The following RAB7A variants were observed in gnomAD, a reference collection of about 807,000 sequenced individuals.
RAB7A encodes ras-related protein Rab-7a.
RAB7A carries 2 observed loss-of-function variants against 24.5 expected under a neutral mutation model. The observed-to-expected ratio is 0.08, with a 90% CI of 0.03 to 0.26. The LOEUF (loss-of-function observed/expected upper bound fraction) is 0.26, where lower values mean the gene tolerates loss of function less well. RAB7A is among the 10% of genes least tolerant of loss of function. The pLI, the probability that RAB7A is intolerant of heterozygous loss-of-function variation, is 1.00. For missense variants in RAB7A, 118 were observed against 255.7 expected, an observed-to-expected ratio of 0.46 and a Z score of 3.67; for synonymous variants, 100 against 95.9, an observed-to-expected ratio of 1.04 and a Z score of -0.25.
intron 5 of RAB7A, among the ~76,000 whole-genome samples, chr3:128,808,083 A>C (rs1470661863): frequency 6.6e-6 from 1 of 152,142 alleles, no homozygotes; most frequent in African/African-American, 2.4e-5. Context: ...ATGGCCGGGC[A>C]CTGTGGCTCA....
chr3:128,752,739 T>C (rs1484252723), intron 1 of RAB7A, among the ~76,000 whole-genome samples: 1 of 64,044 alleles, frequency 1.6e-5, no homozygotes. Context: ...GCTTTTCCTC[T>C]TTTTTTTTTT....
At chr3:128,750,336 A>AG (rs2070664384) in intron 1 of RAB7A, among the ~76,000 whole-genome samples, 1 of 152,206 alleles carries the variant, frequency 6.6e-6, no homozygotes, top group Non-Finnish European at 1.5e-5. Context: ...ATGTCAGCTC[A>AG]CTGCAGCCTC....
At chr3:128,767,170 C>G (rs1398249546) in intron 1 of RAB7A, among the ~76,000 whole-genome samples, 3 of 152,148 alleles carry the variant, frequency 2.0e-5, no homozygotes, top group Non-Finnish European at 4.4e-5. Flanking sequence ...TCTGAATTGT[C>G]CCTTCAGTCA....
In RAB7A at chr3:128,746,653, C is replaced by T. The variant is rs554035642; in HGVS notation, c.-9+20294C>T. ...ATGCCATACTCCTGCCTCAGCCTCC[C>T]GAGTAGCTGGGACTACAGGCACATG... On this transcript the variant is annotated intron_variant, in intron 1 of 5. Coordinates refer to ENST00000265062, the MANE Select transcript of RAB7A (RefSeq NM_004637.6). Among the ~76,000 whole-genome samples, 46 of 152,104 alleles carry T rather than the reference C, an allele frequency of 3.0e-4. No homozygotes were observed. In the South Asian group the frequency reaches 8.7e-3, roughly 29 times the overall value.
At chr3:128,763,348 G>A (rs1489416909) in intron 1 of RAB7A, among the ~76,000 whole-genome samples, 1 of 150,880 alleles carries the variant, frequency 6.6e-6, no homozygotes, top group Non-Finnish European at 1.5e-5. Flanking sequence ...CCGAGTAGCT[G>A]GGACTACAGG....
chr3:128,776,540 C>T lies in RAB7A; in HGVS notation c.-8-18820C>T, dbSNP rs1483233173. On this transcript the variant is annotated intron_variant, in intron 1 of 5. Transcript: ENST00000265062. Reference sequence around the variant, plus strand: ...GCTCAAGCAATCCTTCTGTCTTGGCCTCCCAAAGTTGCAGGATTACAGGTG... The same window carrying T: ...GCTCAAGCAATCCTTCTGTCTTGGCTTCCCAAAGTTGCAGGATTACAGGTG... 2.0e-5 allele frequency among the ~76,000 whole-genome samples: 3 copies of T among 152,168 alleles called. 1 individual carries two copies. Among genetic ancestry groups the T allele is most frequent in the Non-Finnish European group, 4.4e-5 (3 of 68,034 alleles).
intron 5 of RAB7A, among the ~76,000 whole-genome samples, chr3:128,811,705 T>C (rs540014270): frequency 6.6e-6 from 1 of 152,000 alleles, no homozygotes; most frequent in East Asian, 1.9e-4. Flanking sequence ...AAAAATTAGC[T>C]AGGTGTGGTG....
intron 1 of RAB7A, among the ~76,000 whole-genome samples, chr3:128,792,197 A>G (rs1304016560): frequency 6.6e-6 from 1 of 152,196 alleles, no homozygotes; most frequent in African/African-American, 2.4e-5. Flanking sequence ...GAAGGAAACA[A>G]ACATGAATTC....
intron 1 of RAB7A, among the ~76,000 whole-genome samples, chr3:128,780,279 G>A (rs1219879479): frequency 6.6e-6 from 1 of 152,204 alleles, no homozygotes; most frequent in African/African-American, 2.4e-5. Context: ...AACAAGGAAA[G>A]GGGCCAAAGT....
intron 1 of RAB7A, among the ~76,000 whole-genome samples, chr3:128,773,436 C>CCCG (rs1933003994): frequency 6.6e-6 from 1 of 151,078 alleles, no homozygotes; most frequent in Non-Finnish European, 1.5e-5. Context: ...GGGGGCAGCC[C>CCCG]CCGCCCGGCC....
At chr3:128,764,341 A>G (rs1263821105) in intron 1 of RAB7A, 12 of 604,072 alleles carry the variant, frequency 2.0e-5, no homozygotes, top group Non-Finnish European at 3.5e-5. Flanking sequence ...AATGGTACAA[A>G]TCGAAGAACT....
chr3:128,794,083 G>A (rs1283713142), intron 1 of RAB7A, among the ~76,000 whole-genome samples: 3 of 152,196 alleles, frequency 2.0e-5, no homozygotes, highest in African/African-American at 4.8e-5. Flanking sequence ...GGTCTTGGGT[G>A]TAATACCACC....
At chr3:128,785,441 C>T (rs1011122368) in intron 1 of RAB7A, 1 of 151,832 alleles carries the variant, frequency 6.6e-6, no homozygotes, top group East Asian at 1.9e-4. Flanking sequence ...CAGTGAAACC[C>T]GTCTCTTGAA....
At chr3:128,796,426 C>T (rs776598026) in intron 2 of RAB7A, among the ~76,000 whole-genome samples, 4 of 152,006 alleles carry the variant, frequency 2.6e-5, no homozygotes, top group African/African-American at 4.8e-5. Flanking sequence ...CACTGCAGCC[C>T]GAGTGACAGA....
At chr3:128,743,204 C>T (rs766838880) in intron 1 of RAB7A, among the ~76,000 whole-genome samples, 12 of 152,256 alleles carry the variant, frequency 7.9e-5, no homozygotes, top group East Asian at 3.9e-4. Context: ...TGGCGCCAGC[C>T]GGCCACTCCG....
intron 3 of RAB7A, chr3:128,798,989 T>G (rs1267562378): frequency 5.4e-6 from 1 of 183,972 alleles, no homozygotes; most frequent in African/African-American, 2.4e-5. Context: ...GATCTTTGAG[T>G]TGCACATCAC....
intron 1 of RAB7A, among the ~76,000 whole-genome samples, chr3:128,747,374 G>A (rs1235564019): frequency 6.6e-6 from 1 of 151,568 alleles, no homozygotes; most frequent in Admixed American, 6.6e-5. Flanking sequence ...ATGACCTAAG[G>A]TCAGGAGTTC....
chr3:128,751,337 G>A (rs963784256), intron 1 of RAB7A, among the ~76,000 whole-genome samples: 1 of 152,198 alleles, frequency 6.6e-6, no homozygotes, highest in Non-Finnish European at 1.5e-5. Flanking sequence ...GCAGCCAGGA[G>A]GGAGGCTGTA....
chr3:128,737,460 C>CA, intron 1 of RAB7A, among the ~76,000 whole-genome samples: 1 of 151,636 alleles, frequency 6.6e-6, no homozygotes, highest in Middle Eastern at 3.4e-3. Context: ...CCTCCCACCT[C>CA]AGCCTCCCAA....
Sources: gnomAD v4.1 joint callset for allele counts (sites outside exome capture counted in the v4.1 genomes callset) on GRCh38, gnomAD v4.1.1 for gene constraint, MANE v1.5 for transcripts, NCBI Gene and HGNC (gene_info 2026-07-23, HGNC 2026-07-21) for gene names.